The following RCOR3 variants were observed in gnomAD, a reference collection of about 807,000 sequenced individuals.
RCOR3 encodes the protein REST corepressor 3.
RCOR3 carries 13 observed loss-of-function variants against 64.1 expected under a neutral mutation model. That is an observed-to-expected ratio of 0.20 (90% CI 0.13 to 0.32). The LOEUF is 0.32. RCOR3 is among the 10% of genes least tolerant of loss of function. RCOR3 has a pLI of 1.00. For synonymous variants in RCOR3, 215 were observed against 239.0 expected (o/e 0.90, Z 0.93); for missense variants, 489 against 701.2 (o/e 0.70, Z 3.42).
chr1:211,284,271 G>C (rs890926833), intron 7 of RCOR3, among the ~76,000 whole-genome samples: 2 of 151,464 alleles, frequency 1.3e-5, no homozygotes, highest in Non-Finnish European at 2.9e-5. Context: ...TAGTAGAGAC[G>C]GTGTTTCACT....
At chr1:211,271,114 C>T in intron 2 of RCOR3, 118 bp from the exon 3 acceptor site, 1 of 733,286 alleles carries the variant, frequency 1.4e-6, no homozygotes, top group Non-Finnish European at 2.2e-6. Context: ...GCCTCGGCCT[C>T]CCAAAGTACT....
intron 7 of RCOR3, among the ~76,000 whole-genome samples, chr1:211,281,401 G>A (rs1011462175): frequency 3.3e-5 from 5 of 151,780 alleles, no homozygotes; most frequent in East Asian, 1.9e-4. Context: ...TTAGGTTCTC[G>A]TCTCCTCTGA....
chr1:211,288,725 A>C (rs1022082791), intron 7 of RCOR3, among the ~76,000 whole-genome samples: 1 of 151,874 alleles, frequency 6.6e-6, no homozygotes, highest in Non-Finnish European at 1.5e-5. Flanking sequence ...ATGAAATGTT[A>C]TCTCTCTTTA....
intron 7 of RCOR3, among the ~76,000 whole-genome samples, chr1:211,285,409 A>G (rs1698397135): frequency 6.6e-6 from 1 of 152,176 alleles, no homozygotes; most frequent in Non-Finnish European, 1.5e-5. Context: ...TCTTGCCATA[A>G]TGGCTGGTTT....
chr1:211,268,322 T>A (rs764789155), intron 2 of RCOR3, among the ~76,000 whole-genome samples: 14 of 151,870 alleles, frequency 9.2e-5, no homozygotes, highest in Middle Eastern at 3.2e-3. Flanking sequence ...TAAATATGTA[T>A]CTTAATATTG....
intron 7 of RCOR3, among the ~76,000 whole-genome samples, chr1:211,287,948 G>A (rs1571911126): frequency 6.6e-6 from 1 of 152,024 alleles, no homozygotes; most frequent in African/African-American, 2.4e-5. Context: ...GTTGGCTCAT[G>A]CCTATAATCC....
chr1:211,308,925 TG>T (rs1174817986), intron 10 of RCOR3, among the ~76,000 whole-genome samples: 1 of 151,778 alleles, frequency 6.6e-6, no homozygotes, highest in Admixed American at 6.6e-5. Flanking sequence ...TTGGCCAGGC[TG>T]GTCTCGAACT....
intron 9 of RCOR3, chr1:211,303,031 T>C (rs1700534309): frequency 6.6e-6 from 1 of 152,176 alleles, no homozygotes; most frequent in Non-Finnish European, 1.5e-5. Context: ...CTTTTCCTTT[T>C]TACTGTTTTT....
At chr1:211,260,502 G>A (rs1694059938) in intron 2 of RCOR3, among the ~76,000 whole-genome samples, 1 of 152,250 alleles carries the variant, frequency 6.6e-6, no homozygotes, top group Non-Finnish European at 1.5e-5. Flanking sequence ...AGGAGCAGGC[G>A]TGCGGACTGT....
chr1:211,278,788 TAA>T (rs151076327), intron 6 of RCOR3, among the ~76,000 whole-genome samples: 6,784 of 152,210 alleles, frequency 0.045, 470 homozygotes, highest in African/African-American at 0.16. Flanking sequence ...AAATCTGAAT[TAA>T]AAGCTCATCT....
At chr1:211,264,601 T>C (rs1351270809) in intron 2 of RCOR3, among the ~76,000 whole-genome samples, 1 of 152,150 alleles carries the variant, frequency 6.6e-6, no homozygotes, top group Non-Finnish European at 1.5e-5. Context: ...GGGAGATCAC[T>C]TGAGTCCAGG....
At chr1:211,283,358 C>T (rs975331486) in intron 7 of RCOR3, among the ~76,000 whole-genome samples, 16 of 152,178 alleles carry the variant, frequency 1.1e-4, no homozygotes, top group Non-Finnish European at 2.2e-4. Context: ...TAACAGGGTC[C>T]CAGGATTCTT....
chr1:211,290,633 C>G (rs1699136961), intron 8 of RCOR3, among the ~76,000 whole-genome samples: 1 of 152,172 alleles, frequency 6.6e-6, no homozygotes, highest in Non-Finnish European at 1.5e-5. Context: ...CTGCCTGCCC[C>G]TCAAAGTGCT....
intron 7 of RCOR3, among the ~76,000 whole-genome samples, chr1:211,288,549 A>G (rs991459981): frequency 2.0e-5 from 3 of 147,080 alleles, no homozygotes; most frequent in Admixed American, 6.8e-5. Context: ...AAAATTATTT[A>G]TAAATATTTT....
intron 10 of RCOR3, among the ~76,000 whole-genome samples, chr1:211,309,131 G>T (rs1701240968): frequency 6.9e-6 from 1 of 145,866 alleles, no homozygotes; most frequent in Non-Finnish European, 1.5e-5. Flanking sequence ...TTTCACAGTT[G>T]GGAAATACCA....
At chr1:211,302,600 T>TA (rs1246411393) in intron 9 of RCOR3, 2 of 152,232 alleles carry the variant, frequency 1.3e-5, no homozygotes, top group Non-Finnish European at 2.9e-5. Context: ...TAACTATTTT[T>TA]AAAAAAACTA....
At chr1:211,279,338 A>ATTT in intron 7 of RCOR3, 22 bp downstream of exon 7, 3 of 1,507,846 alleles carry the variant, frequency 2.0e-6, no homozygotes, top group Non-Finnish European at 2.8e-6. Flanking sequence ...CACTAGAAGT[A>ATTT]CTTGTGATTG....
intron 8 of RCOR3, among the ~76,000 whole-genome samples, chr1:211,290,140 T>A (rs1255269991): frequency 6.6e-6 from 1 of 152,242 alleles, no homozygotes; most frequent in Non-Finnish European, 1.5e-5. Context: ...ATTTTTTTCT[T>A]ATCCCTTAAA....
Position 211,259,542 on chromosome 1 carries a change from C to A in RCOR3, c.-19C>A. On this transcript the variant is annotated 5_prime_UTR_variant, in exon 1 of 12. Transcript: ENST00000419091. ...ACGCCTGCCTCTTCCCCTCACCTTT[C>A]CCCCTCCCCTGTTCTACCATGCCCG... 1 of 1,544,290 alleles carries A rather than the reference C, an allele frequency of 6.5e-7. No individual in the cohort carries two copies. Among genetic ancestry groups the A allele is most frequent in the Non-Finnish European group, 8.7e-7 (1 of 1,144,024 alleles).
Sources: allele counts gnomAD v4.1 joint callset (sites outside exome capture counted in the v4.1 genomes callset), GRCh38; gene constraint gnomAD v4.1.1; transcripts MANE v1.5; gene names NCBI Gene and HGNC (gene_info 2026-07-23, HGNC 2026-07-21).